SHANK2: variants seen among roughly 807,000 people sequenced by gnomAD.
SHANK2 encodes the protein SH3 and multiple ankyrin repeat domains 2.
In SHANK2, 43 loss-of-function variants were observed where a neutral mutation model predicts 133.7. The ratio of observed to expected loss-of-function variants is 0.32; its 90% CI spans 0.25 to 0.41. The LOEUF (loss-of-function observed/expected upper bound fraction) is 0.41, where lower values mean the gene tolerates loss of function less well. SHANK2 is among the 10% of genes least tolerant of loss of function. SHANK2 has a pLI of 1.00. For missense variants in SHANK2, 1,994 were observed against 2,235.8 expected (o/e 0.89, Z 2.18); for synonymous variants, 1,017 against 952.8 (o/e 1.07, Z -1.24).
chr11:70,683,618 G>T (rs1945078466), intron 15 of SHANK2, among the ~76,000 whole-genome samples: 1 of 152,190 alleles, frequency 6.6e-6, no homozygotes, highest in African/African-American at 2.4e-5. Flanking sequence ...GTGAAATCAA[G>T]GCATCGGCAG....
At chr11:70,679,772 G>A (rs1376680238) in intron 15 of SHANK2, among the ~76,000 whole-genome samples, 2 of 152,222 alleles carry the variant, frequency 1.3e-5, no homozygotes, top group East Asian at 1.9e-4. Flanking sequence ...ACCGCTGCCC[G>A]CTGCCACACC....
chr11:71,070,026 A>G (rs998865257), intron 9 of SHANK2, among the ~76,000 whole-genome samples: 13 of 152,198 alleles, frequency 8.5e-5, no homozygotes, highest in Non-Finnish European at 1.8e-4. Flanking sequence ...AGGTGTTCAA[A>G]TGGTGACTCA....
chr11:71,202,239 C>G (rs566047374), intron 2 of SHANK2, among the ~76,000 whole-genome samples: 5 of 152,360 alleles, frequency 3.3e-5, no homozygotes, highest in African/African-American at 1.2e-4. Context: ...ACCTCAGAGG[C>G]CACTGGTTCC....
chr11:70,560,431 C>T (rs1163379260), intron 17 of SHANK2, among the ~76,000 whole-genome samples: 1 of 148,854 alleles, frequency 6.7e-6, no homozygotes, highest in African/African-American at 2.5e-5. Context: ...GACTGAATCT[C>T]TCCCAACTGG....
intron 17 of SHANK2, among the ~76,000 whole-genome samples, chr11:70,622,130 C>T (rs1023811923): frequency 6.6e-6 from 1 of 152,140 alleles, no homozygotes; most frequent in Admixed American, 6.5e-5. Flanking sequence ...ACAAGAACAG[C>T]TGGTCAACCA....
chr11:70,571,948 G>A (rs1306785299), intron 17 of SHANK2, among the ~76,000 whole-genome samples: 1 of 152,168 alleles, frequency 6.6e-6, no homozygotes. Flanking sequence ...ATGGTGTTGG[G>A]GGTGAGGCCT....
At chr11:70,810,618 C>G (rs367859054) in intron 12 of SHANK2, among the ~76,000 whole-genome samples, 3 of 152,256 alleles carry the variant, frequency 2.0e-5, no homozygotes, top group Non-Finnish European at 4.4e-5. Flanking sequence ...CTGAACCTCC[C>G]GTCACTCCCA....
intron 10 of SHANK2, among the ~76,000 whole-genome samples, chr11:70,920,110 T>C (rs1011314158): frequency 3.3e-5 from 5 of 152,236 alleles, no homozygotes; most frequent in Non-Finnish European, 7.3e-5. Flanking sequence ...CCCTACCTCA[T>C]AGGGCATTTT....
intron 6 of SHANK2, among the ~76,000 whole-genome samples, chr11:71,095,984 TG>T (rs1315979615): frequency 7.4e-6 from 1 of 135,324 alleles, no homozygotes; most frequent in African/African-American, 2.6e-5. Flanking sequence ...GCATGCTTCC[TG>T]TCTTCCCCAA....
Position 70,624,253 on chromosome 11 carries a change from G to A in SHANK2, c.2061+35575C>T, listed in dbSNP as rs2136472131. ...ATGGGGGCGGGCTGTCACCTGCATG[G>A]TCTTATTCCCAGGCTTGCATCCTAC... On this transcript the variant is annotated intron_variant, in intron 17 of 25. Transcript: ENST00000601538. Among the ~76,000 whole-genome samples the A allele has an allele frequency of 1.3e-5, 2 of 152,188 alleles. 1 individual carries two copies. Among genetic ancestry groups the A allele is most frequent in the South Asian group, 4.1e-4 (2 of 4,822 alleles).
At chr11:70,656,961 AG>A (rs1211162543) in intron 17 of SHANK2, among the ~76,000 whole-genome samples, 3 of 152,236 alleles carry the variant, frequency 2.0e-5, no homozygotes, top group Non-Finnish European at 4.4e-5. Context: ...CAAGGCCGAG[AG>A]CCGGATGGCC....
At chr11:71,130,472 T>G (rs1318078441) in intron 3 of SHANK2, among the ~76,000 whole-genome samples, 1 of 152,224 alleles carries the variant, frequency 6.6e-6, no homozygotes, top group African/African-American at 2.4e-5. Context: ...AAAATGGCGA[T>G]GATGACGGGT....
At chr11:70,585,330 AC>A (rs2136239897) in intron 17 of SHANK2, among the ~76,000 whole-genome samples, 1 of 152,226 alleles carries the variant, frequency 6.6e-6, no homozygotes, top group South Asian at 2.1e-4. Context: ...AGAATTTGGG[AC>A]CAGTGACAAT....
At chr11:70,542,854 T>G (rs1298756935) in intron 17 of SHANK2, among the ~76,000 whole-genome samples, 1 of 152,114 alleles carries the variant, frequency 6.6e-6, no homozygotes, top group African/African-American at 2.4e-5. Context: ...CCCACTGCCA[T>G]GAAGAGAGGC....
At chr11:70,677,390 T>C (rs981086840) in intron 15 of SHANK2, among the ~76,000 whole-genome samples, 1 of 152,148 alleles carries the variant, frequency 6.6e-6, no homozygotes, top group Non-Finnish European at 1.5e-5. Context: ...CCTCTATCCT[T>C]TAAGTGTTCC....
At chr11:71,154,772 G>A (rs1555108735) in intron 2 of SHANK2, among the ~76,000 whole-genome samples, 1 of 83,720 alleles carries the variant, frequency 1.2e-5, no homozygotes, top group Admixed American at 1.2e-4. Flanking sequence ...CACGCTCCCA[G>A]AGGGATGGAC....
chr11:71,102,960 C>G (rs1232521570), intron 6 of SHANK2, among the ~76,000 whole-genome samples: 1 of 152,226 alleles, frequency 6.6e-6, no homozygotes, highest in African/African-American at 2.4e-5. Context: ...TGGCGTGTGT[C>G]TACCTGGTTC....
At chr11:70,942,042 C>T (rs1320314626) in intron 10 of SHANK2, among the ~76,000 whole-genome samples, 1 of 151,850 alleles carries the variant, frequency 6.6e-6, no homozygotes, top group Admixed American at 6.6e-5. Context: ...ACAAAATTAG[C>T]CGGGTGTGGT....
rs1237518799 is a variant in SHANK2 at position 70,535,644 on chromosome 11, G to A, written c.2062-32713C>T. Among the ~76,000 whole-genome samples, 1 of 152,222 alleles carries A rather than the reference G, an allele frequency of 6.6e-6. No individual in the cohort carries two copies. Among genetic ancestry groups the A allele is most frequent in the Non-Finnish European group, 1.5e-5 (1 of 68,048 alleles). Reference sequence around the variant, plus strand: ...GGTCAAGTGTTGTGCTAGACGCTGGGGAATGAATAACTCCTGGCCCCGCCT... The same window carrying A: ...GGTCAAGTGTTGTGCTAGACGCTGGAGAATGAATAACTCCTGGCCCCGCCT... On this transcript the variant is annotated intron_variant, in intron 17 of 25. Transcript: ENST00000601538. The surrounding 1 kb of genome is among the most constrained non-coding windows in gnomAD (Gnocchi z 4.3).
Sources: allele counts gnomAD v4.1 joint callset (sites outside exome capture counted in the v4.1 genomes callset), GRCh38; gene constraint gnomAD v4.1.1; non-coding constraint Gnocchi (gnomAD v3.1); transcripts MANE v1.5; gene names NCBI Gene and HGNC (gene_info 2026-07-23, HGNC 2026-07-21).